The following PPARGC1A variants were observed in gnomAD, a reference collection of about 807,000 sequenced individuals.
PPARGC1A encodes peroxisome proliferator-activated receptor gamma coactivator 1-alpha.
A neutral mutation model predicts 88.7 loss-of-function variants in PPARGC1A; 25 were observed. The observed-to-expected ratio is 0.28, with a 90% CI of 0.21 to 0.39. PPARGC1A has a LOEUF of 0.39. PPARGC1A is among the 10% of genes least tolerant of loss of function. The probability of loss-of-function intolerance (pLI) is 1.00; values close to 1 mark genes in which losing one functional copy is unlikely to be tolerated. For missense variants in PPARGC1A, 880 were observed against 968.7 expected (o/e 0.91, Z 1.22); for synonymous variants, 363 against 355.6 (o/e 1.02, Z -0.24).
At chr4:24,345,579 C>T in the PPARGC1A span, among the ~76,000 whole-genome samples, 1 of 152,038 alleles carries the variant, frequency 6.6e-6, no homozygotes, top group African/African-American at 2.4e-5. Flanking sequence ...TCATTCTCTG[C>T]TTGGTCGCTT....
the PPARGC1A span, among the ~76,000 whole-genome samples, chr4:24,300,383 T>G: frequency 7.5e-6 from 1 of 133,718 alleles, no homozygotes; most frequent in African/African-American, 2.8e-5. Context: ...AGTTAAAAAC[T>G]TACATGATAT....
chr4:23,976,628 T>G, the PPARGC1A span, among the ~76,000 whole-genome samples: 1 of 152,116 alleles, frequency 6.6e-6, no homozygotes, highest in Non-Finnish European at 1.5e-5. Flanking sequence ...TAAGGTTAAA[T>G]GAGGGCATAA....
intron 2 of PPARGC1A, 57 bp from the exon 3 acceptor site, chr4:23,831,808 T>A: frequency 2.1e-6 from 3 of 1,408,322 alleles, no homozygotes; most frequent in East Asian, 2.3e-5. Context: ...CAGGTAACAC[T>A]ATGCATCAAC....
the PPARGC1A span, among the ~76,000 whole-genome samples, chr4:24,329,104 G>A: frequency 6.6e-6 from 1 of 152,150 alleles, no homozygotes; most frequent in African/African-American, 2.4e-5. Flanking sequence ...TGACAAATGT[G>A]GAACGGAGCA....
At chr4:24,443,933 G>T in the PPARGC1A span, among the ~76,000 whole-genome samples, 10 of 152,196 alleles carry the variant, frequency 6.6e-5, no homozygotes, top group Non-Finnish European at 1.3e-4. Flanking sequence ...GTTCAATTAA[G>T]AGTCTACTAC....
chr4:24,298,184 A>AT, the PPARGC1A span, among the ~76,000 whole-genome samples: 2 of 7,636 alleles, frequency 2.6e-4, no homozygotes, highest in African/African-American at 9.6e-4. Flanking sequence ...CTATTACCAA[A>AT]TGAAAAAAAA....
At chr4:24,000,471 A>T in the PPARGC1A span, among the ~76,000 whole-genome samples, 2 of 151,098 alleles carry the variant, frequency 1.3e-5, no homozygotes, top group Admixed American at 6.6e-5. Context: ...ATCAGGGCAT[A>T]TAATAAAAAA....
At chr4:23,906,799 A>C (rs2148893010), upstream of PPARGC1A, among the ~76,000 whole-genome samples, 1 of 152,190 alleles carries the variant, frequency 6.6e-6, no homozygotes, top group East Asian at 1.9e-4. Flanking sequence ...GTCAAATATG[A>C]AAAGGGTCAC....
the PPARGC1A span, among the ~76,000 whole-genome samples, chr4:24,311,963 T>C: frequency 0.011 from 1,634 of 152,284 alleles, 35 homozygotes; most frequent in African/African-American, 0.038. Context: ...ATGTCTGAGA[T>C]AAAAACTGTT....
chr4:23,888,423 C>T (rs912243275), intron 1 of PPARGC1A, among the ~76,000 whole-genome samples: 1 of 152,158 alleles, frequency 6.6e-6, no homozygotes, highest in African/African-American at 2.4e-5. Flanking sequence ...AGGAATAATA[C>T]ATGATGGAAA....
chr4:23,815,786 G>A (rs2932968), intron 7 of PPARGC1A, among the ~76,000 whole-genome samples: 127,591 of 152,124 alleles, frequency 0.84, 53,969 homozygotes, highest in African/African-American at 0.95. Flanking sequence ...TACATTTTCT[G>A]TTTAGGAGGC....
At chr4:24,331,769 A>T in the PPARGC1A span, among the ~76,000 whole-genome samples, 1 of 141,936 alleles carries the variant, frequency 7.0e-6, no homozygotes, top group African/African-American at 2.6e-5. Context: ...TGTTTATTTT[A>T]TATATATATA....
chr4:23,999,480 T>C, the PPARGC1A span, among the ~76,000 whole-genome samples: 1 of 152,226 alleles, frequency 6.6e-6, no homozygotes, highest in Non-Finnish European at 1.5e-5. Context: ...CCCTGTTTGA[T>C]GCCAAAAAGA....
At chr4:23,892,082 TTCA>T (rs1717934732), upstream of PPARGC1A, among the ~76,000 whole-genome samples, 1 of 152,186 alleles carries the variant, frequency 6.6e-6, no homozygotes. Flanking sequence ...ATGCTAGATA[TTCA>T]TCATATTTTT....
chr4:23,910,265 A>AT, the PPARGC1A span, among the ~76,000 whole-genome samples: 5 of 102,576 alleles, frequency 4.9e-5, no homozygotes, highest in African/African-American at 1.9e-4. Context: ...TATATATATT[A>AT]ATATATATTA....
rs1268541199 is a variant in PPARGC1A at position 23,889,996 on chromosome 4, C to T, written c.-39G>A. 5.0e-6 allele frequency: 8 copies of T among 1,612,726 alleles called. No homozygotes were observed. In the South Asian group the frequency reaches 6.6e-5, roughly 13 times the overall value. ...GACGCCAGTCAAGCTTTTTCAACTC[C>T]AATCCACAGTGACACAGAGCACACA... On this transcript the variant is annotated 5_prime_UTR_variant, in exon 1 of 13. Coordinates refer to ENST00000264867, the MANE Select transcript of PPARGC1A (RefSeq NM_013261.5).
intron 10 of PPARGC1A, among the ~76,000 whole-genome samples, chr4:23,807,769 G>A (rs974337498): frequency 3.3e-5 from 5 of 151,626 alleles, no homozygotes; most frequent in African/African-American, 4.9e-5. Context: ...GTGTGTGTGT[G>A]AATAACATGA....
At chr4:24,286,202 C>T in the PPARGC1A span, among the ~76,000 whole-genome samples, 1 of 151,976 alleles carries the variant, frequency 6.6e-6, no homozygotes, top group South Asian at 2.1e-4. Context: ...GCCCAGAGAA[C>T]AAAATAGAGT....
chr4:24,231,307 C>T, the PPARGC1A span, among the ~76,000 whole-genome samples: 2 of 152,180 alleles, frequency 1.3e-5, no homozygotes, highest in African/African-American at 4.8e-5. Context: ...GGGTTTAAAA[C>T]CTCAGCTCTG....
Sources: allele counts gnomAD v4.1 joint callset (sites outside exome capture counted in the v4.1 genomes callset), GRCh38; gene constraint gnomAD v4.1.1; transcripts MANE v1.5; gene names NCBI Gene and HGNC (gene_info 2026-07-23, HGNC 2026-07-21).